Variants in ARID1B observed in about 807,000 individuals in gnomAD.
ARID1B encodes the protein AT-rich interactive domain-containing protein 1B.
Under a neutral mutation model 212.3 loss-of-function variants are expected in ARID1B, and 30 were observed. The ratio of observed to expected loss-of-function variants is 0.14; its 90% confidence interval spans 0.11 to 0.19. The LOEUF is 0.19. ARID1B is among the 10% of genes least tolerant of loss of function. ARID1B has a pLI of 1.00. For synonymous variants in ARID1B, 1,402 were observed against 1,301.7 expected (o/e 1.08, Z -1.66); for missense variants, 2,891 against 3,204.0 (o/e 0.90, Z 2.36).
At chr6:156,798,281 CAG>C (rs984570985) in intron 1 of ARID1B, among the ~76,000 whole-genome samples, 2 of 152,268 alleles carry the variant, frequency 1.3e-5, no homozygotes, top group African/African-American at 4.8e-5. Flanking sequence ...TGGAGCTGCT[CAG>C]GGGAAGGCGG....
intron 2 of ARID1B, chr6:156,829,750 T>A (rs1783013539): frequency 1.0e-5 from 2 of 198,964 alleles, no homozygotes; most frequent in Non-Finnish European, 2.0e-5. Flanking sequence ...TTTGTCAGAC[T>A]GTGTCAGATT....
chr6:156,836,013 A>G (rs1783486640), intron 2 of ARID1B, among the ~76,000 whole-genome samples: 1 of 152,160 alleles, frequency 6.6e-6, no homozygotes. Context: ...AATAAGTGTG[A>G]TTTATTTGCT....
chr6:156,948,859 T>C (rs754727084), intron 4 of ARID1B, among the ~76,000 whole-genome samples: 18 of 152,264 alleles, frequency 1.2e-4, no homozygotes, highest in Non-Finnish European at 2.2e-4. Flanking sequence ...AACATCTTTT[T>C]TCATTTTATC....
intron 6 of ARID1B, chr6:157,119,442 C>CT (rs560141662): frequency 2.6e-5 from 4 of 153,246 alleles, no homozygotes; most frequent in Admixed American, 1.3e-4. Context: ...TGTCATCACA[C>CT]TGCTTTCTCT....
At position 157,190,478 on chromosome 6, in the gene ARID1B, G is replaced by A. The variant is rs779590637; in HGVS notation, c.4231+268G>A. On this transcript the variant is annotated intron_variant, in intron 15 of 19. Transcript: ENST00000636930. This position sits in a 1 kb window ranked among gnomAD's most constrained non-coding sequence, Gnocchi z 4.6. The stretch of plus-strand genomic sequence containing the variant: ...CCGGATACCTGCCACCTCCTTACAC[G>A]TGCCAAGTTACGTTCCTCATCTAGA... Among the ~76,000 whole-genome samples, 16 of 152,316 alleles carry A rather than the reference G, an allele frequency of 1.1e-4. No individual in the cohort carries two copies. The highest frequency in any genetic ancestry group is 3.9e-4 in the East Asian group (2 of 5,186).
intron 2 of ARID1B, among the ~76,000 whole-genome samples, chr6:156,900,566 T>C (rs1465015906): frequency 1.3e-5 from 2 of 152,228 alleles, no homozygotes; most frequent in African/African-American, 2.4e-5. Flanking sequence ...TGTCCTGATA[T>C]CTTGTTTTTC....
At chr6:156,894,306 C>CGG (rs1167132030) in intron 2 of ARID1B, among the ~76,000 whole-genome samples, 133 of 23,438 alleles carry the variant, frequency 5.7e-3, no homozygotes, top group African/African-American at 9.0e-3. Flanking sequence ...GGATGGGGGC[C>CGG]GGGGGTTGGG....
At chr6:156,925,878 C>CAGGAGGA in intron 3 of ARID1B, among the ~76,000 whole-genome samples, 1 of 152,072 alleles carries the variant, frequency 6.6e-6, no homozygotes, top group Non-Finnish European at 1.5e-5. Flanking sequence ...GCACCATGAG[C>CAGGAGGA]CTGAGATAGA....
At chr6:156,868,868 CACTT>C (rs1010819769) in intron 2 of ARID1B, among the ~76,000 whole-genome samples, 10 of 152,136 alleles carry the variant, frequency 6.6e-5, no homozygotes, top group African/African-American at 2.4e-4. Context: ...TTTTTAATAA[CACTT>C]AACGGTACTT....
Position 156,777,823 on chromosome 6 carries a change from C to G in ARID1B, c.143C>G (p.Ala48Gly), listed in dbSNP as rs1420352284. The change falls in exon 1 of 20, where the codon GCG (alanine) becomes GGG (glycine). Residue 48 changes from alanine (A) to glycine (G), a missense_variant. Around this residue, in one of 7 missense-constraint regions of ARID1B, gnomAD observed 1,643 missense variants for 1,544.0 expected, o/e 1.06. Transcript: ENST00000636930. The stretch of plus-strand genomic sequence containing the variant: ...CTGGAGGCGGGGGCGCGCGGCGCGG[C>G]GGCGGCGGCGGCGGCACCGGGACCC... ...RDLEAGARGA[A>G]AAAAAPGPML... 3.8e-6 allele frequency: 4 copies of G among 1,046,606 alleles called. No homozygotes were observed. The African/African-American group carries it at 6.9e-5, about 18-fold the overall frequency. The allele number at this position is 1,046,606 out of a possible 1,614,324, so 64.8% of individuals were successfully genotyped here.
At chr6:157,177,673 CTTAA>C (rs1157321413) in intron 11 of ARID1B, among the ~76,000 whole-genome samples, 1 of 152,170 alleles carries the variant, frequency 6.6e-6, no homozygotes, top group African/African-American at 2.4e-5. Flanking sequence ...TACTTATAGG[CTTAA>C]TTAAAGTATA....
rs949809020 is a variant in ARID1B, at chr6:157,191,008, C to T, written c.4231+798C>T. Among the ~76,000 whole-genome samples the T allele has an allele frequency of 5.9e-5, 9 of 151,954 alleles. No homozygotes were observed. The East Asian group carries it at 9.6e-4, about 16-fold the overall frequency. ...GACAGGCTGAGGTCGTTGAGGCCGG[C>T]GGGGCCAAAGCCTTTCGGTGTCTGT... is the stretch of plus-strand genomic sequence containing the variant. On this transcript the variant is annotated intron_variant, in intron 15 of 19. Coordinates refer to ENST00000636930, the MANE Select transcript of ARID1B (RefSeq NM_001374828.1).
chr6:156,915,578 A>T (rs113981418), intron 3 of ARID1B, among the ~76,000 whole-genome samples: 10 of 120,824 alleles, frequency 8.3e-5, no homozygotes, highest in African/African-American at 3.4e-4. Context: ...AAAAAAAATT[A>T]AAAAAAAAAA....
chr6:157,102,488 ATT>A (rs1786118591), intron 5 of ARID1B, among the ~76,000 whole-genome samples: 1 of 150,672 alleles, frequency 6.6e-6, no homozygotes, highest in Non-Finnish European at 1.5e-5. Context: ...ACTGACATTT[ATT>A]TATGAAGCCT....
chr6:156,793,913 A>G (rs77233843), intron 1 of ARID1B, among the ~76,000 whole-genome samples: 1,937 of 152,374 alleles, frequency 0.013, 48 homozygotes, highest in African/African-American at 0.044. Context: ...ATTATCTGCA[A>G]TCCTTTCAAC....
At chr6:156,779,571 C>G (rs1020630288) in intron 1 of ARID1B, 100 bp downstream of exon 1, 1 of 1,106,838 alleles carries the variant, frequency 9.0e-7, no homozygotes, top group African/African-American at 1.7e-5. Context: ...CGTCTTCCCG[C>G]GGGGGCGGCG....
chr6:157,037,315 C>G (rs1363537652), intron 4 of ARID1B, among the ~76,000 whole-genome samples: 1 of 152,204 alleles, frequency 6.6e-6, no homozygotes, highest in African/African-American at 2.4e-5. Context: ...GAAAACCCAG[C>G]TCCTTCCCGT....
chr6:156,990,413 C>T (rs996351144), intron 4 of ARID1B, among the ~76,000 whole-genome samples: 3 of 152,022 alleles, frequency 2.0e-5, no homozygotes, highest in African/African-American at 7.2e-5. Context: ...GAGGCCAAGG[C>T]AGGCGGATCA....
In ARID1B at chr6:156,955,482, T is replaced by C. The variant is rs751555657; in HGVS notation, c.2247+19906T>C. Reference sequence around the variant, plus strand: ...TAGTGCTGTCTTCCAGAATGACTTATTGTGGATTATATATGACTTCCAATG... The same window carrying C: ...TAGTGCTGTCTTCCAGAATGACTTACTGTGGATTATATATGACTTCCAATG... On this transcript the variant is annotated intron_variant, in intron 4 of 19. Coordinates refer to ENST00000636930, the MANE Select transcript of ARID1B (RefSeq NM_001374828.1). This position sits in a 1 kb window ranked among gnomAD's most constrained non-coding sequence, Gnocchi z 4.2. Among the ~76,000 whole-genome samples, 9 of 152,204 alleles carry C rather than the reference T, an allele frequency of 5.9e-5. No individual in the cohort carries two copies. Among genetic ancestry groups the C allele is most frequent in the Admixed American group, 1.3e-4 (2 of 15,278 alleles).
Sources: gnomAD v4.1 joint callset for allele counts (sites outside exome capture counted in the v4.1 genomes callset) on GRCh38, gnomAD v4.1.1 for gene constraint, gnomAD v4.1.1 regional missense constraint, Gnocchi (gnomAD v3.1) non-coding constraint, MANE v1.5 for transcripts, NCBI Gene and HGNC (gene_info 2026-07-23, HGNC 2026-07-21) for gene names.